PNPLA7: variants seen among roughly 807,000 people sequenced by gnomAD.
PNPLA7 encodes patatin like domain 7, lysophospholipase.
Under a neutral mutation model 161.7 loss-of-function variants are expected in PNPLA7, and 153 were observed. That is an observed-to-expected ratio of 0.95 (90% CI 0.83 to 1.08). The LOEUF (loss-of-function observed/expected upper bound fraction) is 1.08. PNPLA7 is among the 50% of genes least tolerant of loss of function. The pLI, the probability that PNPLA7 is intolerant of heterozygous loss-of-function variation, is 0.00. For missense variants in PNPLA7, 1,739 were observed against 1,856.6 expected, an observed-to-expected ratio of 0.94 and a Z score of 1.16; for synonymous variants, 809 against 782.1, an observed-to-expected ratio of 1.03 and a Z score of -0.57.
At chr9:137,545,854 T>C (rs1836485744) in intron 4 of PNPLA7, among the ~76,000 whole-genome samples, 1 of 152,200 alleles carries the variant, frequency 6.6e-6, no homozygotes, top group Non-Finnish European at 1.5e-5. Flanking sequence ...AGATGCCTGT[T>C]GCCAAGCGGA....
intron 12 of PNPLA7, among the ~76,000 whole-genome samples, chr9:137,511,907 CCT>C (rs953919471): frequency 3.9e-5 from 6 of 152,178 alleles, no homozygotes; most frequent in Non-Finnish European, 7.4e-5. Flanking sequence ...GGAAAGGCCC[CCT>C]GTCACGTGGA....
intron 14 of PNPLA7, among the ~76,000 whole-genome samples, chr9:137,503,823 A>G (rs1335835258): frequency 9.6e-4 from 4 of 4,164 alleles, no homozygotes; most frequent in African/African-American, 2.5e-3. Flanking sequence ...AAGATGAAGG[A>G]AGAAGAAAGA....
intron 29 of PNPLA7, 77 bp downstream of exon 29, chr9:137,463,337 CA>C: frequency 1.6e-6 from 2 of 1,272,812 alleles, no homozygotes; most frequent in South Asian, 2.6e-5. Flanking sequence ...GGAGCGGAGG[CA>C]GCTGTGGCAG....
chr9:137,518,390 CT>C (rs1834761439), intron 11 of PNPLA7, among the ~76,000 whole-genome samples: 1 of 84,546 alleles, frequency 1.2e-5, no homozygotes, highest in African/African-American at 5.6e-5. Flanking sequence ...CACTCCATCC[CT>C]CACTCACTCA....
At chr9:137,509,026 A>AT (rs138287893) in intron 12 of PNPLA7, 5,257 of 153,036 alleles carry the variant, frequency 0.034, 269 homozygotes, top group African/African-American at 0.11. Flanking sequence ...AGAGCAGCAC[A>AT]TGCTGGGCCG....
chr9:137,518,963 C>T (rs536877374), intron 11 of PNPLA7, among the ~76,000 whole-genome samples: 109 of 138,132 alleles, frequency 7.9e-4, no homozygotes, highest in African/African-American at 2.9e-3. Flanking sequence ...CACTCACTCA[C>T]TCCACCCTAT....
chr9:137,463,056 GTGGCC>G (rs1358788929), intron 29 of PNPLA7: 3 of 673,984 alleles, frequency 4.5e-6, no homozygotes, highest in Non-Finnish European at 7.4e-6. Flanking sequence ...GGTGACAGGA[GTGGCC>G]TGGCCTGGCC....
intron 12 of PNPLA7, among the ~76,000 whole-genome samples, chr9:137,508,133 G>C (rs1321389486): frequency 2.0e-5 from 3 of 152,102 alleles, no homozygotes; most frequent in Non-Finnish European, 4.4e-5. Flanking sequence ...GGCTGAGGCA[G>C]GTGGATCATT....
Position 137,537,732 on chromosome 9 carries a change from G to A in PNPLA7, c.747+2910C>T, listed in dbSNP as rs573586653. Among the ~76,000 whole-genome samples, 4 of 152,242 alleles carry A rather than the reference G, an allele frequency of 2.6e-5. No homozygotes were observed. The highest frequency in any genetic ancestry group is 6.5e-5 in the Admixed American group (1 of 15,274). On this transcript the variant is annotated intron_variant, in intron 8 of 34. Transcript: ENST00000406427. The surrounding 1 kb of genome is among the most constrained non-coding windows in gnomAD (Gnocchi z 4.5). Reference sequence around the variant, plus strand: ...GGATCGCAGCAGCTGAGAGGAACCCGGCCCGTCTCAGCGCACAGCTCCCCT... The same window carrying A: ...GGATCGCAGCAGCTGAGAGGAACCCAGCCCGTCTCAGCGCACAGCTCCCCT...
chr9:137,523,369 C>T lies in PNPLA7; in HGVS notation c.748-512G>A, dbSNP rs957032699. On this transcript the variant is annotated intron_variant, in intron 8 of 34. Transcript: ENST00000406427. This position sits in a 1 kb window ranked among gnomAD's most constrained non-coding sequence, Gnocchi z 4.4. Reference sequence around the variant, plus strand: ...AGGGAGCGCGCACTGCCGGGTCGCACGAGGCCCAGGTGAGGAGCCACAGTG... The same window carrying T: ...AGGGAGCGCGCACTGCCGGGTCGCATGAGGCCCAGGTGAGGAGCCACAGTG... Among the ~76,000 whole-genome samples, 2 of 152,064 alleles carry T rather than the reference C, an allele frequency of 1.3e-5. No homozygotes were observed. The highest frequency in any genetic ancestry group is 2.4e-5 in the African/African-American group (1 of 41,426).
rs1385572173 is a variant in PNPLA7 at position 137,540,439 on chromosome 9, T to C, written c.747+203A>G. Among the ~76,000 whole-genome samples the C allele has an allele frequency of 6.6e-6, 1 of 152,252 alleles. No homozygotes were observed. Among genetic ancestry groups the C allele is most frequent in the East Asian group, 1.9e-4 (1 of 5,196 alleles). ...GAGACAACCAAAACCGTTAGCCACATGCCCGGCTATTCTTCAACGCACTGT... is the reference window on the plus strand; with the variant it reads ...GAGACAACCAAAACCGTTAGCCACACGCCCGGCTATTCTTCAACGCACTGT... On this transcript the variant is annotated intron_variant, in intron 8 of 34. Coordinates refer to ENST00000406427, the MANE Select transcript of PNPLA7 (RefSeq NM_001098537.3). The surrounding 1 kb of genome is among the most constrained non-coding windows in gnomAD (Gnocchi z 5.1).
rs1295247437 is a variant in PNPLA7, at chr9:137,495,014, T to G, written c.2127+19A>C. 1 of 1,593,918 alleles carries G rather than the reference T, an allele frequency of 6.3e-7. No individual in the cohort carries two copies. Among genetic ancestry groups the G allele is most frequent in the Admixed American group, 1.7e-5 (1 of 59,558 alleles). On this transcript the variant is annotated intron_variant, in intron 19 of 34. Coordinates refer to ENST00000406427, the MANE Select transcript of PNPLA7 (RefSeq NM_001098537.3). ...CCACACCCTCATCCGCTCCGCATCC[T>G]CACCCACGCCATGCTCACCTGTGGG...
At chr9:137,506,540 G>A (rs1003433931) in intron 12 of PNPLA7, among the ~76,000 whole-genome samples, 9 of 152,160 alleles carry the variant, frequency 5.9e-5, no homozygotes, top group African/African-American at 1.9e-4. Context: ...GGGCCGTCAC[G>A]CTGGTGCTTT....
chr9:137,531,427 A>C (rs571015797), intron 8 of PNPLA7, among the ~76,000 whole-genome samples: 1 of 152,348 alleles, frequency 6.6e-6, no homozygotes, highest in East Asian at 1.9e-4. Context: ...CAGATCAGGA[A>C]GCTGTGAAAA....
rs1249797753 is a variant in PNPLA7, at chr9:137,541,916, G to A, written c.666+726C>T. Reference sequence around the variant, plus strand: ...CCCACCTCAGCCCCCAAGTGGCTGGGACCACAGGTGCTACCACCATGCCTG... The same window carrying A: ...CCCACCTCAGCCCCCAAGTGGCTGGAACCACAGGTGCTACCACCATGCCTG... On this transcript the variant is annotated intron_variant, in intron 7 of 34. Transcript: ENST00000406427. This position sits in a 1 kb window ranked among gnomAD's most constrained non-coding sequence, Gnocchi z 4.4. 2.0e-5 allele frequency among the ~76,000 whole-genome samples: 3 copies of A among 152,116 alleles called. No individual in the cohort carries two copies. The highest frequency in any genetic ancestry group is 4.4e-5 in the Non-Finnish European group (3 of 68,036).
intron 12 of PNPLA7, 29 bp from the exon 13 acceptor site, chr9:137,506,112 G>C: frequency 1.3e-6 from 2 of 1,579,406 alleles, no homozygotes; most frequent in Non-Finnish European, 1.7e-6. Flanking sequence ...CTCAGGACAC[G>C]GTTCGCTAGG....
rs1264864572 is a variant in PNPLA7, at chr9:137,476,966, C to G, written c.2882+1068G>C. Among the ~76,000 whole-genome samples, 1 of 152,248 alleles carries G rather than the reference C, an allele frequency of 6.6e-6. No individual in the cohort carries two copies. The highest frequency in any genetic ancestry group is 1.5e-5 in the Non-Finnish European group (1 of 68,048). On this transcript the variant is annotated intron_variant, in intron 25 of 34. Coordinates refer to ENST00000406427, the MANE Select transcript of PNPLA7 (RefSeq NM_001098537.3). This position sits in a 1 kb window ranked among gnomAD's most constrained non-coding sequence, Gnocchi z 4.5. ...TGACAGGGCCCTGCCCTGGGGCCAGCAGAAGCATCCTCGAGGCCCTGGGGC... is the reference window on the plus strand; with the variant it reads ...TGACAGGGCCCTGCCCTGGGGCCAGGAGAAGCATCCTCGAGGCCCTGGGGC...
At chr9:137,526,506 T>C (rs955780295) in intron 8 of PNPLA7, among the ~76,000 whole-genome samples, 1 of 152,126 alleles carries the variant, frequency 6.6e-6, no homozygotes, top group Non-Finnish European at 1.5e-5. Flanking sequence ...CTCAATCTCC[T>C]GACCTCATGA....
At chr9:137,498,280 C>A (rs1833177280) in intron 16 of PNPLA7, 35 bp from the exon 17 acceptor site, 1 of 1,603,836 alleles carries the variant, frequency 6.2e-7, no homozygotes, top group Non-Finnish European at 8.5e-7. Flanking sequence ...CTGCCCCATC[C>A]CTCCAACCCT....
Sources: gnomAD v4.1 joint callset for allele counts (sites outside exome capture counted in the v4.1 genomes callset) on GRCh38, gnomAD v4.1.1 for gene constraint, Gnocchi (gnomAD v3.1) non-coding constraint, MANE v1.5 for transcripts, NCBI Gene and HGNC (gene_info 2026-07-23, HGNC 2026-07-21) for gene names.